Variants in NRXN1 observed in about 807,000 individuals in gnomAD.
NRXN1 encodes neurexin-1.
Under a neutral mutation model 150.9 loss-of-function variants are expected in NRXN1, and 39 were observed. That is an observed-to-expected ratio of 0.26 (90% CI 0.20 to 0.34). The LOEUF (loss-of-function observed/expected upper bound fraction) is 0.34. Among genes scored for constraint, NRXN1 ranks in the 10% least tolerant of loss-of-function variants. The pLI, the probability that NRXN1 is intolerant of heterozygous loss-of-function variation, is 1.00. For missense variants in NRXN1, 1,815 were observed against 1,949.9 expected (o/e 0.93, Z 1.30); for synonymous variants, 924 against 757.0 (o/e 1.22, Z -3.62).
At chr2:50,547,098 T>A (rs546783237) in intron 9 of NRXN1, among the ~76,000 whole-genome samples, 1 of 152,188 alleles carries the variant, frequency 6.6e-6, no homozygotes, top group East Asian at 1.9e-4. Flanking sequence ...GAGAGCCTTG[T>A]ACCTTTCCCA....
At chr2:50,507,102 G>T (rs2092262181) in intron 12 of NRXN1, among the ~76,000 whole-genome samples, 1 of 152,154 alleles carries the variant, frequency 6.6e-6, no homozygotes, top group Non-Finnish European at 1.5e-5. Context: ...CGTTTTCAGT[G>T]AGATAAGTCT....
intron 17 of NRXN1, among the ~76,000 whole-genome samples, chr2:50,273,513 A>T (rs962652407): frequency 7.9e-5 from 12 of 152,130 alleles, no homozygotes; most frequent in African/African-American, 2.7e-4. Context: ...TAAATCAGAA[A>T]TTTTTTAACT....
rs571967929 is a variant in NRXN1 at position 50,209,786 on chromosome 2, T to G, written c.3546+27003A>C. 4.6e-5 allele frequency among the ~76,000 whole-genome samples: 7 copies of G among 152,128 alleles called. No individual in the cohort carries two copies. In the East Asian group the frequency reaches 1.4e-3, roughly 29 times the overall value. ...GATATAACTTGGTGTTTTCAAATTA[T>G]TTACACTTGTTGCAATAAAAAATAA... On this transcript the variant is annotated intron_variant, in intron 18 of 22. Transcript: ENST00000401669.
At chr2:50,655,810 T>A (rs1316377923) in intron 5 of NRXN1, among the ~76,000 whole-genome samples, 1 of 151,958 alleles carries the variant, frequency 6.6e-6, no homozygotes, top group Non-Finnish European at 1.5e-5. Flanking sequence ...TGACACTTCT[T>A]TTTGATATTC....
chr2:50,001,535 C>CATTCACAT (rs1464882482), intron 21 of NRXN1, among the ~76,000 whole-genome samples: 1 of 152,098 alleles, frequency 6.6e-6, no homozygotes, highest in East Asian at 1.9e-4. Context: ...CAAATTATCG[C>CATTCACAT]ATTCACATAC....
At chr2:50,278,515 C>T (rs962692306) in intron 17 of NRXN1, among the ~76,000 whole-genome samples, 4 of 150,176 alleles carry the variant, frequency 2.7e-5, no homozygotes, top group Non-Finnish European at 2.9e-5. Context: ...TGAGTGAAAC[C>T]GTTTGAATTG....
At chr2:49,933,435 A>G (rs1038088582) in intron 22 of NRXN1, among the ~76,000 whole-genome samples, 1 of 152,110 alleles carries the variant, frequency 6.6e-6, no homozygotes. Flanking sequence ...TTCCAGCCAC[A>G]TTCCTCTTCA....
In NRXN1 at chr2:50,573,529, TTAGA is replaced by T. The variant is rs148664532; in HGVS notation, c.1321-20508_1321-20505del. Among the ~76,000 whole-genome samples the T allele has an allele frequency of 4.9e-3, 751 of 152,164 alleles. 1 individual carries two copies. The highest frequency in any genetic ancestry group is 6.3e-3 in the Non-Finnish European group (428 of 67,996). On this transcript the variant is annotated intron_variant, in intron 8 of 22. Coordinates refer to ENST00000401669, the MANE Select transcript of NRXN1 (RefSeq NM_001330078.2). ...GTATTAGAAGGTATAAGGTTAACTA[TTAGA>T]TAGTTAATTATTAGAACATTTCAGA...
intron 8 of NRXN1, among the ~76,000 whole-genome samples, chr2:50,592,543 C>G (rs764997397): frequency 2.0e-5 from 3 of 152,158 alleles, no homozygotes; most frequent in Non-Finnish European, 2.9e-5. Context: ...GGCAATGAGT[C>G]AGGAGAGGTA....
chr2:50,121,921 A>C (rs138632975), intron 18 of NRXN1, among the ~76,000 whole-genome samples: 1 of 152,362 alleles, frequency 6.6e-6, no homozygotes, highest in African/African-American at 2.4e-5. Context: ...TACAACCGCA[A>C]GGGAGAAGGA....
At chr2:49,936,978 G>A (rs1452393886) in intron 22 of NRXN1, among the ~76,000 whole-genome samples, 1 of 152,080 alleles carries the variant, frequency 6.6e-6, no homozygotes, top group Non-Finnish European at 1.5e-5. Flanking sequence ...CCTGCCTCTG[G>A]GCCCCTGGCC....
intron 5 of NRXN1, among the ~76,000 whole-genome samples, chr2:50,683,968 AATGGTATGAGATAGTTAGTATACAT>A (rs1212509053): frequency 6.6e-6 from 1 of 151,962 alleles, no homozygotes; most frequent in Non-Finnish European, 1.5e-5. Flanking sequence ...CATCTTCCCT[AATGGTATGAGATAGTTAGTATACAT>A]ACCCATCCAT....
At position 50,538,572 on chromosome 2, in the gene NRXN1, G is replaced by A; in HGVS notation, c.1824C>T (p.Asp608=). 1.3e-6 allele frequency: 2 copies of A among 1,562,480 alleles called. No homozygotes were observed. Among genetic ancestry groups the A allele is most frequent in the Non-Finnish European group, 1.7e-6 (2 of 1,153,022 alleles). The change falls in exon 10 of 23, where the codon GAC becomes GAT. Residue 608 remains aspartate, a synonymous_variant. Transcript: ENST00000401669. The part of the protein sequence containing the change: ...YTAPGESEIL[D]LDDELYLGGL... The stretch of plus-strand genomic sequence containing the variant: ...CCCCCAGGTACAACTCATCATCCAG[G>A]TCCAGAATCTCACTCTCACCAGGAG...
chr2:50,270,133 T>C (rs1054243706), intron 17 of NRXN1, among the ~76,000 whole-genome samples: 2 of 152,072 alleles, frequency 1.3e-5, no homozygotes, highest in Non-Finnish European at 2.9e-5. Flanking sequence ...CTCAAAACCA[T>C]GTGGGAGAAT....
At chr2:50,579,361 A>G (rs985765026) in intron 8 of NRXN1, among the ~76,000 whole-genome samples, 7 of 152,338 alleles carry the variant, frequency 4.6e-5, no homozygotes, top group Non-Finnish European at 8.8e-5. Context: ...AAGAACCCTA[A>G]TCTAATTTAG....
At chr2:50,195,305 T>C (rs537269980) in intron 18 of NRXN1, among the ~76,000 whole-genome samples, 4 of 152,158 alleles carry the variant, frequency 2.6e-5, no homozygotes, top group Non-Finnish European at 1.5e-5. Flanking sequence ...CACAGCATCA[T>C]GTTTAAATGA....
At chr2:50,232,930 A>C (rs1464603423) in intron 18 of NRXN1, among the ~76,000 whole-genome samples, 1 of 152,088 alleles carries the variant, frequency 6.6e-6, no homozygotes, top group Non-Finnish European at 1.5e-5. Flanking sequence ...TCTGAAAACT[A>C]CCTTTAAGAT....
At chr2:50,521,857 T>C (rs886411080) in intron 12 of NRXN1, among the ~76,000 whole-genome samples, 3 of 152,162 alleles carry the variant, frequency 2.0e-5, no homozygotes, top group Non-Finnish European at 4.4e-5. Context: ...ATCCAGCAAC[T>C]GGATCATCTG....
intron 9 of NRXN1, among the ~76,000 whole-genome samples, chr2:50,550,038 GAATA>G (rs1667205491): frequency 6.6e-6 from 1 of 151,988 alleles, no homozygotes; most frequent in Non-Finnish European, 1.5e-5. Flanking sequence ...AATGAATAAT[GAATA>G]CTTTCCTTTT....
Sources: allele counts gnomAD v4.1 joint callset (sites outside exome capture counted in the v4.1 genomes callset), GRCh38; gene constraint gnomAD v4.1.1; transcripts MANE v1.5; gene names NCBI Gene and HGNC (gene_info 2026-07-23, HGNC 2026-07-21).